Variants in PTPRM observed in about 807,000 individuals in gnomAD.
PTPRM encodes receptor-type tyrosine-protein phosphatase mu.
A neutral mutation model predicts 186.7 loss-of-function variants in PTPRM; 47 were observed. The ratio of observed to expected loss-of-function variants is 0.25; its 90% CI spans 0.20 to 0.32. The LOEUF (loss-of-function observed/expected upper bound fraction) is 0.32. Ranked by LOEUF, PTPRM falls within the 10% of genes least tolerant of loss-of-function variation. The pLI is 1.00. For missense variants in PTPRM, 1,494 were observed against 1,865.0 expected (o/e 0.80, Z 3.66); for synonymous variants, 668 against 674.9 (o/e 0.99, Z 0.16).
chr18:8,300,377 C>T (rs1173144119), intron 20 of PTPRM, among the ~76,000 whole-genome samples: 2 of 151,868 alleles, frequency 1.3e-5, no homozygotes, highest in Non-Finnish European at 1.5e-5. Flanking sequence ...GACAAGATCA[C>T]GTGTTGTGGA....
intron 11 of PTPRM, among the ~76,000 whole-genome samples, chr18:8,089,563 G>T (rs2090605221): frequency 1.3e-5 from 2 of 152,102 alleles, no homozygotes; most frequent in South Asian, 4.1e-4. Flanking sequence ...ATTTCTACTT[G>T]ATTCAGAGGG....
chr18:7,687,376 C>T (rs1486314840), intron 1 of PTPRM, among the ~76,000 whole-genome samples: 4 of 152,028 alleles, frequency 2.6e-5, no homozygotes, highest in Non-Finnish European at 5.9e-5. Context: ...TGAATGTTCT[C>T]AATTTTAAAT....
intron 1 of PTPRM, among the ~76,000 whole-genome samples, chr18:7,652,367 C>A (rs1307485008): frequency 6.6e-6 from 1 of 152,000 alleles, no homozygotes; most frequent in East Asian, 2.0e-4. Flanking sequence ...GATCTAGAAC[C>A]AGAAATACCA....
At chr18:8,364,245 C>G (rs1160196633) in intron 23 of PTPRM, among the ~76,000 whole-genome samples, 3 of 152,138 alleles carry the variant, frequency 2.0e-5, no homozygotes, top group Non-Finnish European at 4.4e-5. Flanking sequence ...CTCATCTAAT[C>G]TTCACACCCT....
chr18:8,218,811 A>G (rs2147048324), intron 14 of PTPRM, among the ~76,000 whole-genome samples: 1 of 152,338 alleles, frequency 6.6e-6, no homozygotes, highest in East Asian at 1.9e-4. Context: ...CACTGGTGTG[A>G]TGCCCCCAAA....
chr18:8,023,621 T>C (rs2085362173), intron 7 of PTPRM, among the ~76,000 whole-genome samples: 1 of 152,166 alleles, frequency 6.6e-6, no homozygotes, highest in African/African-American at 2.4e-5. Context: ...TCCTGAGAAT[T>C]AGACTAAGTA....
chr18:8,041,725 G>A (rs2086704600), intron 7 of PTPRM, among the ~76,000 whole-genome samples: 1 of 152,202 alleles, frequency 6.6e-6, no homozygotes, highest in African/African-American at 2.4e-5. Flanking sequence ...CATCTGTATT[G>A]TGGCACCTAG....
At chr18:8,044,519 G>A (rs903994751) in intron 7 of PTPRM, among the ~76,000 whole-genome samples, 8 of 152,010 alleles carry the variant, frequency 5.3e-5, no homozygotes, top group Non-Finnish European at 1.0e-4. Context: ...CACTTTGGGA[G>A]GCCAAAGCGG....
intron 1 of PTPRM, among the ~76,000 whole-genome samples, chr18:7,679,093 G>T (rs1380481432): frequency 6.6e-6 from 1 of 152,128 alleles, no homozygotes; most frequent in Admixed American, 6.5e-5. Flanking sequence ...TAAAAAATGA[G>T]ATTATCTTTT....
At chr18:7,879,880 A>C (rs1362046145) in intron 2 of PTPRM, among the ~76,000 whole-genome samples, 1 of 152,182 alleles carries the variant, frequency 6.6e-6, no homozygotes, top group African/African-American at 2.4e-5. Context: ...TGCTATGAAG[A>C]AACACCTGAG....
chr18:7,770,838 G>A (rs1285699069), intron 1 of PTPRM, among the ~76,000 whole-genome samples: 1 of 152,004 alleles, frequency 6.6e-6, no homozygotes, highest in Admixed American at 6.6e-5. Flanking sequence ...TTTTGGGGGG[G>A]TCCCACATCT....
intron 5 of PTPRM, among the ~76,000 whole-genome samples, chr18:7,938,227 C>T (rs1161599123): frequency 6.6e-6 from 1 of 152,182 alleles, no homozygotes. Context: ...AATTCCTATG[C>T]AAATTCAAAA....
intron 10 of PTPRM, among the ~76,000 whole-genome samples, chr18:8,087,896 CGTGTAATGAT>C (rs1297668435): frequency 1.3e-5 from 2 of 152,080 alleles, no homozygotes; most frequent in African/African-American, 4.8e-5. Flanking sequence ...ATCACAGCTC[CGTGTAATGAT>C]TTGTCTTGTC....
intron 2 of PTPRM, among the ~76,000 whole-genome samples, chr18:7,783,253 C>G (rs772549810): frequency 1.3e-5 from 2 of 152,112 alleles, no homozygotes; most frequent in African/African-American, 2.4e-5. Context: ...AAATATCCAC[C>G]GAGGATTCAC....
chr18:7,925,338 G>A (rs988616985), intron 4 of PTPRM, among the ~76,000 whole-genome samples: 9 of 152,176 alleles, frequency 5.9e-5, no homozygotes, highest in Non-Finnish European at 1.2e-4. Context: ...TGCATGCTGA[G>A]CATCATGAAT....
intron 1 of PTPRM, among the ~76,000 whole-genome samples, chr18:7,734,207 C>T (rs574546092): frequency 2.6e-5 from 4 of 152,224 alleles, no homozygotes; most frequent in Non-Finnish European, 4.4e-5. Context: ...CCACAAAGGA[C>T]GACAGAGATC....
At chr18:7,802,242 G>A (rs1252968344) in intron 2 of PTPRM, among the ~76,000 whole-genome samples, 3 of 152,140 alleles carry the variant, frequency 2.0e-5, no homozygotes, top group Admixed American at 6.5e-5. Context: ...TCAGGGTCCC[G>A]CTGCTGCCTC....
chr18:7,915,023 A>T (rs1451962127), intron 4 of PTPRM, among the ~76,000 whole-genome samples: 1 of 152,140 alleles, frequency 6.6e-6, no homozygotes, highest in African/African-American at 2.4e-5. Flanking sequence ...CTCTTCTCTG[A>T]TTTTGTTGCT....
At chr18:7,849,437 T>C (rs1324614719) in intron 2 of PTPRM, among the ~76,000 whole-genome samples, 2 of 152,220 alleles carry the variant, frequency 1.3e-5, no homozygotes, top group Admixed American at 6.5e-5. Context: ...AGAGATAAAG[T>C]ATAGCTGGAA....
Sources: gnomAD v4.1 joint callset for allele counts (sites outside exome capture counted in the v4.1 genomes callset) on GRCh38, gnomAD v4.1.1 for gene constraint, MANE v1.5 for transcripts, NCBI Gene and HGNC (gene_info 2026-07-23, HGNC 2026-07-21) for gene names.